The following TBC1D5 variants were observed in gnomAD, a reference collection of about 807,000 sequenced individuals.
The protein encoded by TBC1D5 is TBC1 domain family, member 5.
TBC1D5 carries 75 observed loss-of-function variants against 100.3 expected under a neutral mutation model. The observed-to-expected ratio is 0.75, with a 90% CI of 0.62 to 0.91. TBC1D5 has a LOEUF of 0.91. TBC1D5 is among the 40% of genes least tolerant of loss of function. TBC1D5 has a pLI of 0.00. For missense variants in TBC1D5, 910 were observed against 942.4 expected (o/e 0.97, Z 0.45); for synonymous variants, 323 against 325.6 (o/e 0.99, Z 0.09).
chr3:17,337,527 G>A (rs1052458309), intron 13 of TBC1D5: 4 of 152,104 alleles, frequency 2.6e-5, no homozygotes, highest in East Asian at 1.9e-4. Context: ...TTAACACAGC[G>A]GAAATATGGC....
At chr3:17,472,144 T>C (rs922759026) in intron 3 of TBC1D5, among the ~76,000 whole-genome samples, 8 of 150,512 alleles carry the variant, frequency 5.3e-5, no homozygotes, top group Non-Finnish European at 1.0e-4. Flanking sequence ...GTTTTTTTTT[T>C]CTTTTTTTTT....
At chr3:17,569,828 T>C (rs976338338) in intron 2 of TBC1D5, among the ~76,000 whole-genome samples, 1 of 151,670 alleles carries the variant, frequency 6.6e-6, no homozygotes, top group African/African-American at 2.4e-5. Context: ...ATAAATATCA[T>C]TTTCATCTAC....
chr3:17,283,676 A>C (rs1213027496), intron 15 of TBC1D5, among the ~76,000 whole-genome samples: 1 of 152,078 alleles, frequency 6.6e-6, no homozygotes, highest in Admixed American at 6.6e-5. Context: ...ATAATAAGAA[A>C]ATGTCTTAAT....
chr3:17,318,963 T>C (rs2085034684), intron 13 of TBC1D5, among the ~76,000 whole-genome samples: 1 of 152,196 alleles, frequency 6.6e-6, no homozygotes. Flanking sequence ...ACAGGGCTTC[T>C]TTTCAGGGAA....
At chr3:17,160,840 G>T in exon 22 of TBC1D5, 3 of 1,285,194 alleles carry the variant, frequency 2.3e-6, no homozygotes, top group Non-Finnish European at 3.2e-6. Context: ...CTGGACCAAT[G>T]CAAAATGCAT....
At chr3:17,439,171 A>G (rs1465705782) in intron 3 of TBC1D5, among the ~76,000 whole-genome samples, 1 of 152,160 alleles carries the variant, frequency 6.6e-6, no homozygotes, top group Admixed American at 6.5e-5. Context: ...TTGAACATCT[A>G]GTGGACAAGA....
At chr3:17,701,346 G>A (rs891389173) in intron 1 of TBC1D5, among the ~76,000 whole-genome samples, 2 of 152,118 alleles carry the variant, frequency 1.3e-5, no homozygotes, top group African/African-American at 4.8e-5. Flanking sequence ...GGCTGGAGGA[G>A]AGATAGCATT....
At chr3:17,251,470 A>G (rs1303830448) in intron 16 of TBC1D5, among the ~76,000 whole-genome samples, 1 of 144,616 alleles carries the variant, frequency 6.9e-6, no homozygotes, top group African/African-American at 2.5e-5. Context: ...AGGTTAGACA[A>G]GAGACAGGCA....
At chr3:17,572,302 G>GT in intron 2 of TBC1D5, among the ~76,000 whole-genome samples, 1 of 147,258 alleles carries the variant, frequency 6.8e-6, no homozygotes, top group African/African-American at 2.5e-5. Context: ...TGCATTCTCA[G>GT]TTAAAAAAAA....
intron 2 of TBC1D5, among the ~76,000 whole-genome samples, chr3:17,601,931 G>A (rs2060980249): frequency 6.6e-6 from 1 of 152,054 alleles, no homozygotes; most frequent in Non-Finnish European, 1.5e-5. Flanking sequence ...CCAGGTTCAC[G>A]CCATTCTCCT....
At chr3:17,426,420 C>T (rs1157987265) in intron 4 of TBC1D5, among the ~76,000 whole-genome samples, 1 of 152,180 alleles carries the variant, frequency 6.6e-6, no homozygotes, top group Middle Eastern at 3.4e-3. Flanking sequence ...ATTCATTTCA[C>T]ACCTTAAATA....
At chr3:17,512,409 A>G (rs994678778) in intron 2 of TBC1D5, among the ~76,000 whole-genome samples, 2 of 152,130 alleles carry the variant, frequency 1.3e-5, no homozygotes. Flanking sequence ...CCAAACTCCA[A>G]CTTCTATCCT....
intron 15 of TBC1D5, among the ~76,000 whole-genome samples, chr3:17,283,435 T>C (rs2080822751): frequency 6.6e-6 from 1 of 152,180 alleles, no homozygotes; most frequent in South Asian, 2.1e-4. Flanking sequence ...GAGGAGCATG[T>C]TGACATAAAT....
intron 2 of TBC1D5, among the ~76,000 whole-genome samples, chr3:17,593,993 T>C (rs545646223): frequency 6.6e-6 from 1 of 152,134 alleles, no homozygotes; most frequent in African/African-American, 2.4e-5. Flanking sequence ...CCCCTAGTGA[T>C]CCACTAGCAA....
At chr3:17,705,922 G>A (rs992175394) in intron 1 of TBC1D5, 71 of 1,025,696 alleles carry the variant, frequency 6.9e-5, no homozygotes, top group Admixed American at 5.1e-4. Context: ...TCGGGCCCGC[G>A]GGGCCCGTCC....
intron 1 of TBC1D5, among the ~76,000 whole-genome samples, chr3:17,697,173 C>G (rs2072255096): frequency 6.6e-6 from 1 of 152,206 alleles, no homozygotes; most frequent in Non-Finnish European, 1.5e-5. Context: ...CAACCGGAAG[C>G]ATTTCCTTGG....
At chr3:17,303,652 T>C (rs76711141) in intron 14 of TBC1D5, among the ~76,000 whole-genome samples, 2,807 of 152,228 alleles carry the variant, frequency 0.018, 84 homozygotes, top group African/African-American at 0.064. Context: ...GCATTTAGCT[T>C]TCTCATGCTC....
At chr3:17,493,814 T>C (rs1018884359) in intron 3 of TBC1D5, among the ~76,000 whole-genome samples, 1 of 152,218 alleles carries the variant, frequency 6.6e-6, no homozygotes, top group African/African-American at 2.4e-5. Flanking sequence ...CTATTTTGGT[T>C]AACAACTCCT....
intron 13 of TBC1D5, among the ~76,000 whole-genome samples, chr3:17,335,886 C>T (rs1235640576): frequency 6.6e-6 from 1 of 151,992 alleles, no homozygotes; most frequent in Non-Finnish European, 1.5e-5. Context: ...TTTTATAGTG[C>T]CCAAATAAGT....
Sources: allele counts gnomAD v4.1 joint callset (sites outside exome capture counted in the v4.1 genomes callset), GRCh38; gene constraint gnomAD v4.1.1; transcripts MANE v1.5; gene names NCBI Gene and HGNC (gene_info 2026-07-23, HGNC 2026-07-21).